CALD1: variants seen among roughly 807,000 people sequenced by gnomAD.
The protein encoded by CALD1 is caldesmon.
In CALD1, 33 loss-of-function variants were observed where a neutral mutation model predicts 99.9. The ratio of observed to expected loss-of-function variants is 0.33; its 90% confidence interval spans 0.25 to 0.44. CALD1 has a LOEUF of 0.44. Among genes scored for constraint, CALD1 ranks in the 20% least tolerant of loss-of-function variants. The probability of loss-of-function intolerance (pLI) is 1.00; values close to 1 mark genes in which losing one functional copy is unlikely to be tolerated. For synonymous variants in CALD1, 310 were observed against 325.0 expected (o/e 0.95, Z 0.50); for missense variants, 861 against 962.1 (o/e 0.89, Z 1.39).
intron 1 of CALD1, among the ~76,000 whole-genome samples, chr7:134,787,201 T>TC (rs1563001208): frequency 6.6e-6 from 1 of 152,202 alleles, no homozygotes; most frequent in Non-Finnish European, 1.5e-5. Context: ...TGCTTTTTTT[T>TC]CAGTTTAAGC....
chr7:134,891,436 C>A (rs561902864), intron 3 of CALD1: 3 of 1,313,286 alleles, frequency 2.3e-6, no homozygotes, highest in Admixed American at 3.3e-5. Flanking sequence ...TGAGGACAAG[C>A]CCAGACTTTC....
intron 3 of CALD1, among the ~76,000 whole-genome samples, chr7:134,886,361 A>G (rs1267558393): frequency 6.6e-6 from 1 of 152,244 alleles, no homozygotes; most frequent in Non-Finnish European, 1.5e-5. Flanking sequence ...AAGAGTGGGC[A>G]TAGGACTTAC....
chr7:134,968,192 C>T (rs1192131559), intron 14 of CALD1, 148 bp from the exon 15 acceptor site: 7 of 718,288 alleles, frequency 9.7e-6, no homozygotes, highest in Middle Eastern at 2.4e-4. Context: ...AATGGAATGC[C>T]GATAATAATC....
At chr7:134,934,406 C>T (rs1805792205) in intron 5 of CALD1, among the ~76,000 whole-genome samples, 1 of 152,148 alleles carries the variant, frequency 6.6e-6, no homozygotes, top group Non-Finnish European at 1.5e-5. Flanking sequence ...GTGTTGGCTT[C>T]TGATTCTGTG....
intron 1 of CALD1, among the ~76,000 whole-genome samples, chr7:134,839,245 C>A (rs1799558961): frequency 1.3e-5 from 2 of 152,186 alleles, no homozygotes; most frequent in African/African-American, 4.8e-5. Flanking sequence ...CTGAGCAAAA[C>A]TTAGATCATT....
chr7:134,827,497 C>T (rs949048812), intron 1 of CALD1, among the ~76,000 whole-genome samples: 1 of 152,226 alleles, frequency 6.6e-6, no homozygotes, highest in Non-Finnish European at 1.5e-5. Flanking sequence ...GCATTCTCCA[C>T]TTTTCAATGG....
intron 1 of CALD1, among the ~76,000 whole-genome samples, chr7:134,807,817 G>A (rs894067125): frequency 3.9e-5 from 6 of 152,026 alleles, no homozygotes; most frequent in East Asian, 3.9e-4. Flanking sequence ...TATTAGAGAC[G>A]GGGTTTCACC....
At position 134,891,748 on chromosome 7, in the gene CALD1, A is replaced by T. The variant is rs1194843714; in HGVS notation, c.71+23944A>T. The T allele has an allele frequency of 1.8e-3, 325 of 180,356 alleles. 2 individuals carry two copies. The highest frequency in any genetic ancestry group is 2.1e-3 in the Non-Finnish European group (289 of 134,834). 11.2% of individuals were successfully genotyped at this position (180,356 alleles called of 1,614,324 possible). Reference sequence around the variant, plus strand: ...ATAAAAAACAAACGAATTGTTGTAAAAAAAAAAAAAAAAAAAAAAATGTGG... The same window carrying T: ...ATAAAAAACAAACGAATTGTTGTAATAAAAAAAAAAAAAAAAAAAATGTGG... On this transcript the variant is annotated intron_variant, in intron 3 of 14. Transcript: ENST00000361675.
At chr7:134,894,850 T>C (rs892013486) in intron 3 of CALD1, among the ~76,000 whole-genome samples, 13 of 152,340 alleles carry the variant, frequency 8.5e-5, no homozygotes, top group African/African-American at 3.1e-4. Flanking sequence ...GGAAGTTTAC[T>C]TGCAACAAGA....
At chr7:134,811,327 G>A (rs1363134897) in intron 1 of CALD1, among the ~76,000 whole-genome samples, 2 of 152,178 alleles carry the variant, frequency 1.3e-5, no homozygotes. Context: ...ACTGGGGGCA[G>A]GGGTCTGGAG....
chr7:134,834,095 G>A (rs1410687641), intron 1 of CALD1, among the ~76,000 whole-genome samples: 1 of 152,188 alleles, frequency 6.6e-6, no homozygotes, highest in Non-Finnish European at 1.5e-5. Flanking sequence ...CTGATGATAC[G>A]TCAGAGTAGC....
At chr7:134,848,855 T>C (rs903093823) in intron 2 of CALD1, among the ~76,000 whole-genome samples, 7 of 152,188 alleles carry the variant, frequency 4.6e-5, no homozygotes, top group Admixed American at 2.0e-4. Context: ...TAAGTTGGGG[T>C]TGATGAGGGA....
intron 8 of CALD1, chr7:134,947,998 A>C (rs748276510): frequency 2.1e-6 from 1 of 476,884 alleles, no homozygotes; most frequent in Non-Finnish European, 3.6e-6. Context: ...ACTGAGGCAC[A>C]GAGAGGTTTT....
intron 1 of CALD1, among the ~76,000 whole-genome samples, chr7:134,826,587 C>T (rs898143187): frequency 4.6e-5 from 7 of 152,260 alleles, no homozygotes; most frequent in East Asian, 1.9e-4. Flanking sequence ...TCTTTTACCA[C>T]GAACACTGTT....
intron 3 of CALD1, among the ~76,000 whole-genome samples, chr7:134,923,008 T>C (rs1034016165): frequency 6.6e-6 from 1 of 152,238 alleles, no homozygotes; most frequent in Non-Finnish European, 1.5e-5. Flanking sequence ...TACTTTTTCA[T>C]GCTACTCGTA....
chr7:134,727,680 G>T, the CALD1 span, among the ~76,000 whole-genome samples: 6 of 152,202 alleles, frequency 3.9e-5, no homozygotes, highest in Non-Finnish European at 7.3e-5. Context: ...TGCCGGCTCA[G>T]GTTGGCTGGT....
intron 1 of CALD1, among the ~76,000 whole-genome samples, chr7:134,764,324 T>C (rs940500172): frequency 2.5e-4 from 38 of 152,178 alleles, no homozygotes; most frequent in Admixed American, 2.3e-3. Context: ...GGTACCTTCA[T>C]ATTTTGTTTG....
At chr7:134,792,490 C>T (rs1797578682) in intron 1 of CALD1, among the ~76,000 whole-genome samples, 2 of 151,926 alleles carry the variant, frequency 1.3e-5, no homozygotes, top group Admixed American at 6.6e-5. Flanking sequence ...CAAGGTTTTG[C>T]CATGTTGGGC....
intron 1 of CALD1, among the ~76,000 whole-genome samples, chr7:134,764,987 T>C (rs1375856170): frequency 6.6e-6 from 1 of 152,190 alleles, no homozygotes; most frequent in Non-Finnish European, 1.5e-5. Context: ...AAGATGATAT[T>C]GAAGGTGTCT....
Sources: allele counts gnomAD v4.1 joint callset (sites outside exome capture counted in the v4.1 genomes callset), GRCh38; gene constraint gnomAD v4.1.1; transcripts MANE v1.5; gene names NCBI Gene and HGNC (gene_info 2026-07-23, HGNC 2026-07-21).